HDX: variants seen among roughly 807,000 people sequenced by gnomAD.
The protein encoded by HDX is chromosome X open reading frame 43.
Under a neutral mutation model 45.2 loss-of-function variants are expected in HDX, and 19 were observed. The ratio of observed to expected loss-of-function variants is 0.42; its 90% CI spans 0.29 to 0.62. The LOEUF (loss-of-function observed/expected upper bound fraction) is 0.62. Ranked by LOEUF, HDX falls within the 20% of genes least tolerant of loss-of-function variation. The probability of loss-of-function intolerance (pLI) is 0.20; values close to 1 mark genes in which losing one functional copy is unlikely to be tolerated. For synonymous variants in HDX, 188 were observed against 172.8 expected (o/e 1.09, Z -0.69); for missense variants, 532 against 493.9 (o/e 1.08, Z -0.73).
At chrX:84,423,093 C>A (rs1424499149) in intron 5 of HDX, among the ~76,000 whole-genome samples, 1 of 110,289 alleles carries the variant, frequency 9.1e-6, no homozygotes, top group African/African-American at 3.3e-5. Flanking sequence ...GTTAAAGGAT[C>A]CTCAGTGGCT....
chrX:84,497,585 A>G (rs1271530265), intron 1 of HDX, among the ~76,000 whole-genome samples: 3 of 110,448 alleles, frequency 2.7e-5, no homozygotes, highest in African/African-American at 9.9e-5. Context: ...GCCTTTATTT[A>G]TGTAAAAAAT....
At chrX:84,355,703 C>T (rs1363508291) in intron 6 of HDX, among the ~76,000 whole-genome samples, 4 of 108,667 alleles carry the variant, frequency 3.7e-5, no homozygotes, top group Non-Finnish European at 5.7e-5. Flanking sequence ...ACACCAGGGC[C>T]TGTCGTGGGG....
At chrX:84,406,517 C>CT (rs1569321646) in intron 5 of HDX, among the ~76,000 whole-genome samples, 2 of 42,759 alleles carry the variant, frequency 4.7e-5, no homozygotes, top group East Asian at 1.1e-3. Flanking sequence ...CACACACACA[C>CT]ATACACACAC....
intron 4 of HDX, among the ~76,000 whole-genome samples, chrX:84,467,425 AAG>A (rs2040372401): frequency 9.1e-6 from 1 of 110,368 alleles, no homozygotes; most frequent in Admixed American, 9.6e-5. Context: ...TGAGGAGTCC[AAG>A]ACCAGCCTGG....
At chrX:84,474,895 C>T (rs1362272301) in intron 3 of HDX, among the ~76,000 whole-genome samples, 1 of 111,887 alleles carries the variant, frequency 8.9e-6, no homozygotes, top group South Asian at 3.7e-4. Flanking sequence ...ATATAGTATT[C>T]ACTTGGTAAA....
intron 5 of HDX, among the ~76,000 whole-genome samples, chrX:84,421,635 T>TAAA (rs56249555): frequency 4.6e-4 from 45 of 96,793 alleles, no homozygotes; most frequent in South Asian, 1.5e-3. Flanking sequence ...CTGAATGCAT[T>TAAA]AAAAAAAAAA....
intron 5 of HDX, among the ~76,000 whole-genome samples, chrX:84,414,585 G>T (rs770606896): frequency 4.4e-4 from 43 of 97,097 alleles, no homozygotes; most frequent in African/African-American, 1.4e-3. Context: ...AAATTTTAAA[G>T]GTGTTCTTAC....
At chrX:84,361,373 C>G (rs1025439244) in intron 6 of HDX, 93 bp downstream of exon 6, 1 of 722,887 alleles carries the variant, frequency 1.4e-6, no homozygotes, top group African/African-American at 2.1e-5. Context: ...CACTTTATTG[C>G]TAGCATTGCT....
rs143642027 is a variant in HDX, at chrX:84,373,214, G to A, written c.1306-11602C>T. 3.9e-3 allele frequency among the ~76,000 whole-genome samples: 439 copies of A among 111,337 alleles called. 1 individual carries two copies. Among genetic ancestry groups the A allele is most frequent in the African/African-American group, 0.013 (414 of 30,669 alleles). On this transcript the variant is annotated intron_variant, in intron 5 of 10. Coordinates refer to ENST00000373177, the MANE Select transcript of HDX (RefSeq NM_001177479.2). ...CTCATGTTTGAAAGAATGAAAAACAGAGCTATTTTGACGAGGAGCACTTTT... is the reference window on the plus strand; with the variant it reads ...CTCATGTTTGAAAGAATGAAAAACAAAGCTATTTTGACGAGGAGCACTTTT...
chrX:84,486,609 T>A (rs896447988), intron 2 of HDX, among the ~76,000 whole-genome samples: 1 of 111,181 alleles, frequency 9.0e-6, no homozygotes, highest in African/African-American at 3.3e-5. Context: ...TGATACATAT[T>A]TTCATGGACT....
Position 84,474,890 on chromosome X carries a change from G to A in HDX, c.147+361C>T, listed in dbSNP as rs764913376. Among the ~76,000 whole-genome samples, 7 of 112,039 alleles carry A rather than the reference G, an allele frequency of 6.2e-5. No individual in the cohort carries two copies. The South Asian group carries it at 2.6e-3, about 41-fold the overall frequency. On this transcript the variant is annotated intron_variant, in intron 3 of 10. Transcript: ENST00000373177. ...TACAATGAAAAATATGTCACATATA[G>A]TATTCACTTGGTAAATGCCTGTTTT...
chrX:84,479,013 T>C (rs1178117416), intron 2 of HDX, among the ~76,000 whole-genome samples: 1 of 112,324 alleles, frequency 8.9e-6, no homozygotes, highest in African/African-American at 3.2e-5. Flanking sequence ...ACATAACACA[T>C]TGAATATCTT....
chrX:84,377,477 T>C, intron 5 of HDX, among the ~76,000 whole-genome samples: 1 of 111,508 alleles, frequency 9.0e-6, no homozygotes, highest in Admixed American at 9.5e-5. Flanking sequence ...GTAGCTATGT[T>C]GAGGAAAAAG....
intron 5 of HDX, among the ~76,000 whole-genome samples, chrX:84,396,413 C>T (rs935083105): frequency 1.1e-4 from 12 of 111,917 alleles, no homozygotes; most frequent in African/African-American, 2.0e-4. Flanking sequence ...AGACTGGACC[C>T]CAGTGGTGGC....
chrX:84,319,584 A>T lies in HDX; in HGVS notation c.*2305T>A, dbSNP rs1328321568. Reference sequence around the variant, plus strand: ...CTGGTGCTGAAACACAAATTTCAAGACAAAAGGAGTTCTAAATGTATTGTT... The same window carrying T: ...CTGGTGCTGAAACACAAATTTCAAGTCAAAAGGAGTTCTAAATGTATTGTT... On this transcript the variant is annotated 3_prime_UTR_variant, in exon 11 of 11. Coordinates refer to ENST00000373177, the MANE Select transcript of HDX (RefSeq NM_001177479.2). The T allele has an allele frequency of 2.7e-5, 3 of 111,227 alleles. No individual in the cohort carries two copies. The highest frequency in any genetic ancestry group is 5.7e-5 in the Non-Finnish European group (3 of 52,563). 9.2% of individuals were successfully genotyped at this position (111,227 alleles called of 1,213,427 possible).
intron 6 of HDX, among the ~76,000 whole-genome samples, chrX:84,354,968 TATATAC>T (rs1242128495): frequency 7.2e-4 from 48 of 66,725 alleles, no homozygotes; most frequent in African/African-American, 2.5e-3. Context: ...TATATATATA[TATATAC>T]ACATACATAC....
intron 5 of HDX, among the ~76,000 whole-genome samples, chrX:84,433,968 G>A (rs113504565): frequency 0.14 from 15,105 of 110,020 alleles, 990 homozygotes; most frequent in Non-Finnish European, 0.2. Context: ...TTGTCTTCTT[G>A]ATTTAATTCT....
intron 7 of HDX, among the ~76,000 whole-genome samples, chrX:84,343,196 G>A (rs1400966586): frequency 9.0e-6 from 1 of 110,730 alleles, no homozygotes; most frequent in African/African-American, 3.3e-5. Flanking sequence ...TTCAGTGATG[G>A]TGATGGTTGT....
At chrX:84,366,835 T>C (rs1024796539) in intron 5 of HDX, among the ~76,000 whole-genome samples, 6 of 111,861 alleles carry the variant, frequency 5.4e-5, no homozygotes, top group South Asian at 7.3e-4. Flanking sequence ...TTACACCTTA[T>C]ACAGAAATTA....
Sources: allele counts gnomAD v4.1 joint callset (sites outside exome capture counted in the v4.1 genomes callset), GRCh38; gene constraint gnomAD v4.1.1; transcripts MANE v1.5; gene names NCBI Gene and HGNC (gene_info 2026-07-23, HGNC 2026-07-21).